The following RSU1 variants were observed in gnomAD, a reference collection of about 807,000 sequenced individuals.
RSU1 encodes the protein rsu-1.
Under a neutral mutation model 31.1 loss-of-function variants are expected in RSU1, and 26 were observed. The observed-to-expected ratio is 0.84, with a 90% CI of 0.61 to 1.16. RSU1 has a LOEUF of 1.16. Ranked by LOEUF, RSU1 falls within the 50% of genes most tolerant of loss-of-function variation. The pLI is 0.00. For synonymous variants in RSU1, 164 were observed against 136.3 expected (o/e 1.20, Z -1.41); for missense variants, 320 against 339.1 (o/e 0.94, Z 0.44).
chr10:16,717,142 C>A (rs552874813), intron 7 of RSU1, among the ~76,000 whole-genome samples: 1 of 152,262 alleles, frequency 6.6e-6, no homozygotes, highest in Admixed American at 6.5e-5. Flanking sequence ...CTATACAGAA[C>A]CTAAACTTAA....
chr10:16,638,782 C>T (rs375927887), intron 8 of RSU1, among the ~76,000 whole-genome samples: 21 of 152,160 alleles, frequency 1.4e-4, no homozygotes, highest in South Asian at 4.1e-4. Context: ...AGGAGGGCCG[C>T]GCTAGACGAG....
intron 2 of RSU1, among the ~76,000 whole-genome samples, chr10:16,805,619 T>C (rs574550857): frequency 1.5e-5 from 2 of 134,656 alleles, no homozygotes; most frequent in South Asian, 4.5e-4. Context: ...GAGCTTGCAG[T>C]GAGCGGAGAT....
intron 7 of RSU1, 68 bp downstream of exon 7, chr10:16,752,471 G>C (rs1254283605): frequency 8.6e-7 from 1 of 1,164,644 alleles, no homozygotes; most frequent in African/African-American, 1.5e-5. Context: ...AGGTTGTTCA[G>C]AATTGCTACA....
chr10:16,737,033 A>AG (rs1218199431), intron 7 of RSU1, among the ~76,000 whole-genome samples: 4 of 126,510 alleles, frequency 3.2e-5, no homozygotes, highest in South Asian at 2.8e-4. Flanking sequence ...GGGGGAGGGG[A>AG]GGGGGGAAGA....
chr10:16,695,902 T>C (rs1330345857), intron 7 of RSU1, among the ~76,000 whole-genome samples: 2 of 152,168 alleles, frequency 1.3e-5, no homozygotes, highest in South Asian at 2.1e-4. Flanking sequence ...TCAGGTTACA[T>C]ATCAATTTAG....
At chr10:16,666,206 C>CTA (rs1318215871) in intron 8 of RSU1, among the ~76,000 whole-genome samples, 1 of 151,444 alleles carries the variant, frequency 6.6e-6, no homozygotes, top group African/African-American at 2.4e-5. Context: ...TGATCCCTTA[C>CTA]TACAAGTACT....
At chr10:16,766,087 C>T (rs118068672) in intron 3 of RSU1, among the ~76,000 whole-genome samples, 2,590 of 152,282 alleles carry the variant, frequency 0.017, 34 homozygotes, top group Non-Finnish European at 0.025. Context: ...AGAGGTAAGG[C>T]TTGGTGAAAG....
rs184578886 is a variant in RSU1, at chr10:16,743,274, G to A, written c.598+9265C>T. Among the ~76,000 whole-genome samples, 1,005 of 152,216 alleles carry A rather than the reference G, an allele frequency of 6.6e-3. 4 individuals carry two copies. The highest frequency in any genetic ancestry group is 9.2e-3 in the Non-Finnish European group (623 of 68,016). On this transcript the variant is annotated intron_variant, in intron 7 of 8. Transcript: ENST00000345264. Reference sequence around the variant, plus strand: ...TTGACACATTGATGGGTATACCATTGGGAGGAATGCTTATTTTTGAATTAG... The same window carrying A: ...TTGACACATTGATGGGTATACCATTAGGAGGAATGCTTATTTTTGAATTAG...
At position 16,751,766 on chromosome 10, in the gene RSU1, C is replaced by T. The variant is rs143558428; in HGVS notation, c.598+773G>A. On this transcript the variant is annotated intron_variant, in intron 7 of 8. Transcript: ENST00000345264. ...ATTTTGGAGTAGAAAAGCAAATAAT[C>T]GCAGTTTGAGAAAACAATGTGGTTC... Among the ~76,000 whole-genome samples, 535 of 152,206 alleles carry T rather than the reference C, an allele frequency of 3.5e-3. 5 individuals are homozygous for T. Among genetic ancestry groups the T allele is most frequent in the African/African-American group, 0.012 (492 of 41,514 alleles).
intron 7 of RSU1, among the ~76,000 whole-genome samples, chr10:16,736,337 C>G (rs1836626835): frequency 6.6e-6 from 1 of 152,144 alleles, no homozygotes; most frequent in African/African-American, 2.4e-5. Context: ...GGAGTTTTCA[C>G]AGAACTAGAA....
chr10:16,747,678 T>C (rs1254156016), intron 7 of RSU1, among the ~76,000 whole-genome samples: 1 of 152,156 alleles, frequency 6.6e-6, no homozygotes, highest in Non-Finnish European at 1.5e-5. Flanking sequence ...ACTCTCCACT[T>C]CCACCCTTGC....
intron 2 of RSU1, among the ~76,000 whole-genome samples, chr10:16,805,110 G>A (rs969444294): frequency 7.3e-5 from 11 of 151,544 alleles, no homozygotes; most frequent in African/African-American, 2.7e-4. Context: ...CTGAGGCTGA[G>A]GCAGGAGCAT....
At chr10:16,597,992 C>G (rs1414309458) in intron 8 of RSU1, among the ~76,000 whole-genome samples, 1 of 152,234 alleles carries the variant, frequency 6.6e-6, no homozygotes, top group Non-Finnish European at 1.5e-5. Flanking sequence ...GCAGTCACAA[C>G]AAGCTCCAAA....
intron 8 of RSU1, among the ~76,000 whole-genome samples, chr10:16,665,179 G>A (rs946573893): frequency 6.6e-6 from 1 of 152,002 alleles, no homozygotes; most frequent in Non-Finnish European, 1.5e-5. Flanking sequence ...CCTCACCTCA[G>A]GTGATCCCAC....
At chr10:16,638,543 G>A (rs1329353861) in intron 8 of RSU1, among the ~76,000 whole-genome samples, 4 of 152,162 alleles carry the variant, frequency 2.6e-5, no homozygotes, top group African/African-American at 9.7e-5. Context: ...CAAGGACAGG[G>A]GCCCCAAGGT....
chr10:16,604,093 G>T (rs1165490171), intron 8 of RSU1, among the ~76,000 whole-genome samples: 1 of 152,136 alleles, frequency 6.6e-6, no homozygotes, highest in African/African-American at 2.4e-5. Flanking sequence ...ACCTGCTTCA[G>T]ATTTTATGCC....
intron 7 of RSU1, among the ~76,000 whole-genome samples, chr10:16,746,924 C>T (rs902391004): frequency 4.6e-5 from 7 of 152,080 alleles, no homozygotes; most frequent in Admixed American, 6.5e-5. Flanking sequence ...AGGCAGGCTC[C>T]GGAGGATATT....
At chr10:16,712,820 G>A (rs1020529702) in intron 7 of RSU1, among the ~76,000 whole-genome samples, 1 of 152,084 alleles carries the variant, frequency 6.6e-6, no homozygotes, top group African/African-American at 2.4e-5. Context: ...ATGTTTTCAT[G>A]ATAATTATTG....
At chr10:16,657,952 T>C (rs2131523618) in intron 8 of RSU1, among the ~76,000 whole-genome samples, 1 of 152,178 alleles carries the variant, frequency 6.6e-6, no homozygotes, top group East Asian at 1.9e-4. Context: ...ATCACACGAC[T>C]GCACTCCAGC....
Sources: allele counts gnomAD v4.1 joint callset (sites outside exome capture counted in the v4.1 genomes callset), GRCh38; gene constraint gnomAD v4.1.1; transcripts MANE v1.5; gene names NCBI Gene and HGNC (gene_info 2026-07-23, HGNC 2026-07-21).